The following CEP85L variants were observed in gnomAD, a reference collection of about 807,000 sequenced individuals.
The protein encoded by CEP85L is centrosomal protein of 85 kDa-like.
CEP85L carries 60 observed loss-of-function variants against 100.3 expected under a neutral mutation model. That is an observed-to-expected ratio of 0.60 (90% CI 0.49 to 0.74). The LOEUF is 0.74. CEP85L is among the 30% of genes least tolerant of loss of function. CEP85L has a pLI of 0.00. For synonymous variants in CEP85L, 319 were observed against 322.7 expected, an observed-to-expected ratio of 0.99 and a Z score of 0.12; for missense variants, 973 against 936.2, an observed-to-expected ratio of 1.04 and a Z score of -0.51.
At chr6:118,671,386 T>C (rs1776300176) in intron 1 of CEP85L, among the ~76,000 whole-genome samples, 1 of 152,236 alleles carries the variant, frequency 6.6e-6, no homozygotes, top group Non-Finnish European at 1.5e-5. Context: ...TATTTTATCA[T>C]ATACATTTAT....
chr6:118,589,702 A>G (rs1781071517), intron 2 of CEP85L: 2 of 275,194 alleles, frequency 7.3e-6, no homozygotes, highest in Non-Finnish European at 1.4e-5. Flanking sequence ...TTCTATGAAC[A>G]TGGGCATGGC....
chr6:118,708,766 TC>T (rs1476368190), intron 1 of CEP85L, among the ~76,000 whole-genome samples: 1 of 152,176 alleles, frequency 6.6e-6, no homozygotes, highest in African/African-American at 2.4e-5. Context: ...CTTTTTTCCT[TC>T]CTTCCTTCCT....
At position 118,469,208 on chromosome 6, in the gene CEP85L, T is replaced by C. The variant is rs202174000; in HGVS notation, c.2118A>G (p.Leu706=). The change falls in exon 12 of 13, where the codon CTA becomes CTG. Residue 706 remains leucine (L), a synonymous_variant. Coordinates refer to ENST00000368491, the MANE Select transcript of CEP85L (RefSeq NM_001042475.3). ...GCTGATCAATCACAGTCAAATCAAA[T>C]AGTGGCCGTTTGGAAAGAACTGTCT... ...RQQTVLSKRP[L]FDLTVIDQLF... 2.5e-6 allele frequency: 4 copies of C among 1,614,026 alleles called. No individual in the cohort carries two copies. The highest frequency in any genetic ancestry group is 3.4e-6 in the Non-Finnish European group (4 of 1,179,930).
At position 118,481,908 on chromosome 6, in the gene CEP85L, T is replaced by C. The variant is rs928195911; in HGVS notation, c.1616A>G (p.Lys539Arg). ...ATCTATCAAAGCCTCTTGTAAATTCTTATTTTTTTCTTCCAGAATCTGCAG... is the reference window on the plus strand; with the variant it reads ...ATCTATCAAAGCCTCTTGTAAATTCCTATTTTTTTCTTCCAGAATCTGCAG... ...LQLQILEEKN[K>R]NLQEALIDTE... The change falls in exon 8 of 13, where the codon AAG becomes AGG. Residue 539 changes from lysine to arginine, a missense_variant. Around this residue, in one of 3 missense-constraint regions of CEP85L, gnomAD observed 890 missense variants for 844.5 expected, o/e 1.05. Coordinates refer to ENST00000368491, the MANE Select transcript of CEP85L (RefSeq NM_001042475.3). The C allele has an allele frequency of 6.4e-7, 1 of 1,569,020 alleles. No homozygotes were observed.
intron 5 of CEP85L, among the ~76,000 whole-genome samples, chr6:118,503,192 A>G (rs1488808910): frequency 6.6e-6 from 1 of 152,232 alleles, no homozygotes; most frequent in Non-Finnish European, 1.5e-5. Context: ...ACTACCATCT[A>G]TATAAGCAAT....
At chr6:118,520,140 A>G (rs1025760807) in intron 4 of CEP85L, among the ~76,000 whole-genome samples, 39 of 152,190 alleles carry the variant, frequency 2.6e-4, no homozygotes, top group African/African-American at 9.2e-4. Flanking sequence ...AACTAGGGAC[A>G]AGAGAAGGAA....
intron 3 of CEP85L, among the ~76,000 whole-genome samples, chr6:118,555,328 T>A (rs1186607404): frequency 6.7e-6 from 1 of 148,742 alleles, no homozygotes; most frequent in Non-Finnish European, 1.5e-5. Flanking sequence ...CTCGGGAGGC[T>A]AAGGCAGGAG....
At chr6:118,568,887 A>T (rs1779704064) in intron 2 of CEP85L, among the ~76,000 whole-genome samples, 1 of 152,158 alleles carries the variant, frequency 6.6e-6, no homozygotes, top group Non-Finnish European at 1.5e-5. Context: ...ATATATTTGT[A>T]TTAATATTAC....
intron 6 of CEP85L, among the ~76,000 whole-genome samples, chr6:118,488,828 G>A (rs2114587606): frequency 6.6e-6 from 1 of 152,334 alleles, no homozygotes; most frequent in African/African-American, 2.4e-5. Context: ...CCTGTCACAT[G>A]CAAGAGAACT....
At chr6:118,707,794 C>T (rs1465011098) in intron 1 of CEP85L, among the ~76,000 whole-genome samples, 1 of 152,126 alleles carries the variant, frequency 6.6e-6, no homozygotes, top group Non-Finnish European at 1.5e-5. Context: ...AACCTTAATT[C>T]ACGGAACAGC....
At chr6:118,703,275 A>G (rs1777484441) in intron 1 of CEP85L, among the ~76,000 whole-genome samples, 1 of 151,962 alleles carries the variant, frequency 6.6e-6, no homozygotes, top group Non-Finnish European at 1.5e-5. Flanking sequence ...TTAAGCCACT[A>G]AGTTTTGAGG....
intron 3 of CEP85L, among the ~76,000 whole-genome samples, chr6:118,540,092 C>T (rs1355952950): frequency 1.3e-5 from 2 of 149,676 alleles, no homozygotes; most frequent in African/African-American, 2.5e-5. Context: ...CAGTTCATCA[C>T]TGGCCTATAG....
Position 118,661,311 on chromosome 6 carries a change from C to T in CEP85L, c.-27-8503G>A, listed in dbSNP as rs1775966503. Among the ~76,000 whole-genome samples, 3 of 152,178 alleles carry T rather than the reference C, an allele frequency of 2.0e-5. No homozygotes were observed. In the South Asian group the frequency reaches 6.2e-4, roughly 31 times the overall value. The stretch of plus-strand genomic sequence containing the variant: ...TGTATAAACAAAATTGGTATTTATA[C>T]ATGTGTCCTATTAATGCACACGAGA... On this transcript the variant is annotated intron_variant, in intron 1 of 13. Transcript: ENST00000368488.
upstream of CEP85L, chr6:118,651,769 G>A (rs1408545095): frequency 4.1e-6 from 4 of 986,416 alleles, no homozygotes; most frequent in Non-Finnish European, 4.8e-6. Flanking sequence ...CGACTGGGCT[G>A]TCCCGCCCTC....
At chr6:118,649,679 T>C (rs1250614541) in intron 1 of CEP85L, among the ~76,000 whole-genome samples, 3 of 152,076 alleles carry the variant, frequency 2.0e-5, no homozygotes, top group Non-Finnish European at 4.4e-5. Context: ...TTGTGAATAA[T>C]CTGTAAACTC....
At position 118,481,858 on chromosome 6, in the gene CEP85L, T is replaced by G. The variant is rs144701071; in HGVS notation, c.1666A>C (p.Lys556Gln). 1.8e-4 allele frequency: 295 copies of G among 1,595,074 alleles called. No individual in the cohort carries two copies. The African/African-American group carries it at 3.5e-3, about 19-fold the overall frequency. ...IDTEKKLEEI[K>Q]KQCQDKETQL... ...GTCTCTTTATCTTGACACTGCTTTTTGATCTCTTCAAGTTTTTTTTCTGTA... is the reference window on the plus strand; with the variant it reads ...GTCTCTTTATCTTGACACTGCTTTTGGATCTCTTCAAGTTTTTTTTCTGTA... The change falls in exon 8 of 13, where the codon AAA (lysine) becomes CAA (glutamine). Residue 556 changes from lysine to glutamine, a missense_variant. Transcript: ENST00000368491.
chr6:118,506,435 G>A (rs942612966), intron 5 of CEP85L, among the ~76,000 whole-genome samples: 1 of 152,106 alleles, frequency 6.6e-6, no homozygotes, highest in Admixed American at 6.5e-5. Flanking sequence ...TATAAAGAAG[G>A]AAGTGCACTT....
chr6:118,480,568 A>G, intron 8 of CEP85L, 55 bp from the exon 9 acceptor site: 5 of 1,106,758 alleles, frequency 4.5e-6, no homozygotes, highest in Non-Finnish European at 5.4e-6. Context: ...TGATTTTGGT[A>G]ATGATTTCAA....
intron 10 of CEP85L, among the ~76,000 whole-genome samples, chr6:118,478,096 C>T (rs34445103): frequency 0.017 from 2,617 of 152,168 alleles, 32 homozygotes; most frequent in Non-Finnish European, 0.028. Flanking sequence ...CTTGATAATA[C>T]ACCCATTAAT....
Sources: gnomAD v4.1 joint callset for allele counts (sites outside exome capture counted in the v4.1 genomes callset) on GRCh38, gnomAD v4.1.1 for gene constraint, gnomAD v4.1.1 regional missense constraint, MANE v1.5 for transcripts, NCBI Gene and HGNC (gene_info 2026-07-23, HGNC 2026-07-21) for gene names.